RNGTT: variants seen among roughly 807,000 people sequenced by gnomAD.
RNGTT encodes RNA guanylyltransferase and 5'-phosphatase.
Under a neutral mutation model 79.3 loss-of-function variants are expected in RNGTT, and 33 were observed. That is an observed-to-expected ratio of 0.42 (90% CI 0.32 to 0.56). The LOEUF is 0.56. Among genes scored for constraint, RNGTT ranks in the 20% least tolerant of loss-of-function variants. The probability of loss-of-function intolerance (pLI) is 0.17; values close to 1 mark genes in which losing one functional copy is unlikely to be tolerated. For synonymous variants in RNGTT, 222 were observed against 235.9 expected, an observed-to-expected ratio of 0.94 and a Z score of 0.54; for missense variants, 497 against 739.1, an observed-to-expected ratio of 0.67 and a Z score of 3.80.
intron 14 of RNGTT, among the ~76,000 whole-genome samples, chr6:88,616,147 T>C (rs1300716955): frequency 6.6e-6 from 1 of 152,220 alleles, no homozygotes; most frequent in East Asian, 1.9e-4. Context: ...CATAATGTCC[T>C]TGAGGTTTAT....
intron 8 of RNGTT, among the ~76,000 whole-genome samples, chr6:88,856,270 A>G (rs1389574157): frequency 6.6e-6 from 1 of 152,184 alleles, no homozygotes; most frequent in African/African-American, 2.4e-5. Context: ...TAGAATTCAG[A>G]AAAAAGAAAT....
intron 12 of RNGTT, among the ~76,000 whole-genome samples, chr6:88,786,058 G>A (rs1187931224): frequency 6.6e-6 from 1 of 152,102 alleles, no homozygotes; most frequent in Non-Finnish European, 1.5e-5. Flanking sequence ...AGTAGAGTTA[G>A]TGGGTACAAC....
intron 12 of RNGTT, among the ~76,000 whole-genome samples, chr6:88,797,832 T>A (rs1026668686): frequency 1.2e-4 from 18 of 151,290 alleles, no homozygotes; most frequent in African/African-American, 4.4e-4. Flanking sequence ...GTTAGTGGAA[T>A]TAGAGGGCTC....
At chr6:88,933,604 C>T (rs934951270) in intron 2 of RNGTT, among the ~76,000 whole-genome samples, 7 of 152,248 alleles carry the variant, frequency 4.6e-5, no homozygotes, top group African/African-American at 1.7e-4. Flanking sequence ...TCTCAGCCTC[C>T]TAAGTTCTAG....
intron 13 of RNGTT, among the ~76,000 whole-genome samples, chr6:88,681,691 G>A (rs1014070639): frequency 1.3e-5 from 2 of 152,076 alleles, no homozygotes; most frequent in Non-Finnish European, 2.9e-5. Flanking sequence ...CCAGAGTAAA[G>A]CATTAATTCA....
rs185607708 is a variant in RNGTT at position 88,891,568 on chromosome 6, C to T, written c.794+238G>A. ...TAGCAGTAGAGTCAAAGACACGAAA[C>T]AAATACTAGACAGTGAAAACAAGAA... On this transcript the variant is annotated intron_variant, in intron 7 of 15. Transcript: ENST00000369485. 1.2e-4 allele frequency among the ~76,000 whole-genome samples: 19 copies of T among 152,152 alleles called. No homozygotes were observed. The East Asian group carries it at 3.1e-3, about 25-fold the overall frequency.
At chr6:88,806,126 C>T (rs1023909937) in intron 11 of RNGTT, among the ~76,000 whole-genome samples, 3 of 151,892 alleles carry the variant, frequency 2.0e-5, no homozygotes, top group African/African-American at 4.8e-5. Flanking sequence ...CCACGAAAGA[C>T]GTCTAATTTA....
At chr6:88,882,308 A>G (rs1782716458) in intron 8 of RNGTT, among the ~76,000 whole-genome samples, 1 of 152,160 alleles carries the variant, frequency 6.6e-6, no homozygotes, top group Non-Finnish European at 1.5e-5. Context: ...TCTAAATTGA[A>G]TTTGTGCCAA....
chr6:88,952,450 C>A (rs1205771229), intron 1 of RNGTT, among the ~76,000 whole-genome samples: 1 of 152,256 alleles, frequency 6.6e-6, no homozygotes, highest in African/African-American at 2.4e-5. Flanking sequence ...GATCCCCCAA[C>A]TAGCACCACA....
rs1779204995 is a variant in RNGTT at position 88,785,628 on chromosome 6, G to C, written c.1339-15754C>G. Among the ~76,000 whole-genome samples, 2 of 152,080 alleles carry C rather than the reference G, an allele frequency of 1.3e-5. 1 individual carries two copies. The highest frequency in any genetic ancestry group is 4.1e-4 in the South Asian group (2 of 4,830). On this transcript the variant is annotated intron_variant, in intron 12 of 15. Coordinates refer to ENST00000369485, the MANE Select transcript of RNGTT (RefSeq NM_003800.5). Reference sequence around the variant, plus strand: ...CACTTTTGCAGCCTGCCAGAAAACAGAGCCCTTCTTCAAATGAAGACCTAT... The same window carrying C: ...CACTTTTGCAGCCTGCCAGAAAACACAGCCCTTCTTCAAATGAAGACCTAT...
chr6:88,620,851 C>T (rs1418393510), intron 14 of RNGTT, among the ~76,000 whole-genome samples: 6 of 152,138 alleles, frequency 3.9e-5, no homozygotes, highest in African/African-American at 1.4e-4. Context: ...CTTTAGACGA[C>T]ATTATGTCTT....
chr6:88,708,089 T>G (rs1776199679), intron 13 of RNGTT, among the ~76,000 whole-genome samples: 1 of 152,050 alleles, frequency 6.6e-6, no homozygotes, highest in Non-Finnish European at 1.5e-5. Flanking sequence ...ATGCTTGAAC[T>G]GATGCCATAT....
At chr6:88,646,645 A>G (rs1442789957) in intron 14 of RNGTT, among the ~76,000 whole-genome samples, 1 of 152,224 alleles carries the variant, frequency 6.6e-6, no homozygotes, top group East Asian at 1.9e-4. Context: ...CATATACACC[A>G]TGGAATACTA....
intron 14 of RNGTT, among the ~76,000 whole-genome samples, chr6:88,625,450 CTTTGA>C (rs1772591802): frequency 2.0e-5 from 3 of 151,926 alleles, no homozygotes; most frequent in Non-Finnish European, 4.4e-5. Flanking sequence ...ATTCCAAATG[CTTTGA>C]GCTGAACTGA....
chr6:88,632,556 C>CAG (rs1469314977), intron 14 of RNGTT, among the ~76,000 whole-genome samples: 11 of 149,548 alleles, frequency 7.4e-5, no homozygotes, highest in African/African-American at 2.5e-4. Context: ...CACACACACA[C>CAG]ACACACACAC....
At chr6:88,820,095 A>T (rs1780450460) in intron 11 of RNGTT, among the ~76,000 whole-genome samples, 1 of 152,144 alleles carries the variant, frequency 6.6e-6, no homozygotes, top group South Asian at 2.1e-4. Context: ...TAAGCCCTGA[A>T]ATGCCACAAG....
chr6:88,875,602 T>G (rs1782495705), intron 8 of RNGTT, among the ~76,000 whole-genome samples: 1 of 152,200 alleles, frequency 6.6e-6, no homozygotes, highest in African/African-American at 2.4e-5. Flanking sequence ...TTACAATAAC[T>G]GTGTCTGTGA....
rs531378761 is a variant in RNGTT at position 88,801,798 on chromosome 6, G to A, written c.1270-166C>T. On this transcript the variant is annotated intron_variant, in intron 11 of 15. Transcript: ENST00000369485. ...CTAAAGGAATCTAAGTTAATACATC[G>A]TAAGATTTGAATACACACACACAGA... Among the ~76,000 whole-genome samples the A allele has an allele frequency of 1.1e-4, 15 of 140,886 alleles. 1 individual carries two copies. Among genetic ancestry groups the A allele is most frequent in the Admixed American group, 5.8e-4 (8 of 13,754 alleles). The allele number at this position is 140,886 out of a possible 152,430, so 92.4% of individuals were successfully genotyped here. A position where few individuals can be genotyped will look rare whatever the true frequency, so the allele number is the denominator to read the frequency against.
chr6:88,864,794 C>T (rs923246221), intron 8 of RNGTT, among the ~76,000 whole-genome samples: 5 of 152,058 alleles, frequency 3.3e-5, no homozygotes, highest in Admixed American at 3.3e-4. Flanking sequence ...TATGCTACAG[C>T]ATATGAAACT....
Sources: allele counts gnomAD v4.1 joint callset (sites outside exome capture counted in the v4.1 genomes callset), GRCh38; gene constraint gnomAD v4.1.1; transcripts MANE v1.5; gene names NCBI Gene and HGNC (gene_info 2026-07-23, HGNC 2026-07-21).